DPYD: variants seen among roughly 807,000 people sequenced by gnomAD.
The protein encoded by DPYD is dihydropyrimidine dehydrogenase [NADP(+)].
Under a neutral mutation model 116.2 loss-of-function variants are expected in DPYD, and 109 were observed. That is an observed-to-expected ratio of 0.94 (90% confidence interval 0.80 to 1.10). DPYD has a LOEUF of 1.10. Ranked by LOEUF, DPYD falls within the 50% of genes least tolerant of loss-of-function variation. The probability of loss-of-function intolerance (pLI) is 0.00; values close to 1 mark genes in which losing one functional copy is unlikely to be tolerated. For missense variants in DPYD, 1,302 were observed against 1,254.5 expected (o/e 1.04, Z -0.57); for synonymous variants, 440 against 432.0 (o/e 1.02, Z -0.23).
chr1:97,090,698 G>C (rs1649839917), intron 21 of DPYD, among the ~76,000 whole-genome samples: 1 of 152,132 alleles, frequency 6.6e-6, no homozygotes, highest in African/African-American at 2.4e-5. Flanking sequence ...TCCCTTGCTA[G>C]ACTATGAGCT....
intron 16 of DPYD, among the ~76,000 whole-genome samples, chr1:97,359,347 A>T (rs1440787741): frequency 1.3e-5 from 2 of 152,242 alleles, no homozygotes; most frequent in East Asian, 3.9e-4. Context: ...TGTACCTGAA[A>T]GTGATGGGGA....
intron 5 of DPYD, among the ~76,000 whole-genome samples, chr1:97,699,984 G>A (rs947856113): frequency 5.9e-5 from 9 of 152,008 alleles, no homozygotes; most frequent in Admixed American, 1.3e-4. Flanking sequence ...GATGGCACAC[G>A]GTAGACATTT....
intron 13 of DPYD, among the ~76,000 whole-genome samples, chr1:97,462,237 A>G (rs1024933716): frequency 2.0e-5 from 3 of 152,250 alleles, no homozygotes; most frequent in Admixed American, 6.5e-5. Context: ...AATTTGATTC[A>G]CGGAGGAGGG....
intron 6 of DPYD, 108 bp downstream of exon 6, chr1:97,699,243 A>T: frequency 8.7e-7 from 1 of 1,145,800 alleles, no homozygotes; most frequent in Non-Finnish European, 1.3e-6. Context: ...CATTTAAAAT[A>T]CCATCTGTGA....
chr1:97,822,230 C>CTATA (rs1342049130), intron 3 of DPYD, among the ~76,000 whole-genome samples: 15 of 148,520 alleles, frequency 1.0e-4, no homozygotes, highest in African/African-American at 3.7e-4. Flanking sequence ...GTTTCTCTCT[C>CTATA]TCTCTCTATA....
intron 14 of DPYD, among the ~76,000 whole-genome samples, chr1:97,384,331 T>C (rs909360691): frequency 2.0e-5 from 3 of 151,798 alleles, no homozygotes; most frequent in African/African-American, 7.3e-5. Flanking sequence ...TTGGAGAGAG[T>C]TCTAAAAACC....
chr1:97,203,212 C>T (rs1659332807), intron 19 of DPYD, among the ~76,000 whole-genome samples: 1 of 152,078 alleles, frequency 6.6e-6, no homozygotes, highest in African/African-American at 2.4e-5. Context: ...TAAGGGTTTG[C>T]ATGTAGCATT....
chr1:97,220,747 T>C (rs1660721943), intron 19 of DPYD, among the ~76,000 whole-genome samples: 1 of 152,218 alleles, frequency 6.6e-6, no homozygotes, highest in African/African-American at 2.4e-5. Context: ...TTCCACAAAA[T>C]CTTCTCTTTG....
chr1:97,219,930 T>C (rs2039447), intron 19 of DPYD, among the ~76,000 whole-genome samples: 60,718 of 152,010 alleles, frequency 0.4, 12,866 homozygotes, highest in East Asian at 0.54. Context: ...GTTCAGTATG[T>C]CTTGCCATGC....
intron 20 of DPYD, among the ~76,000 whole-genome samples, chr1:97,187,965 A>G (rs901822994): frequency 5.3e-5 from 8 of 152,112 alleles, no homozygotes; most frequent in Middle Eastern, 3.4e-3. Flanking sequence ...TGCTGTTTTT[A>G]TTACCACAGC....
chr1:97,856,434 T>G (rs1163887420), intron 2 of DPYD: 1 of 152,208 alleles, frequency 6.6e-6, no homozygotes, highest in Non-Finnish European at 1.5e-5. Flanking sequence ...ATTGGCCTAT[T>G]ATCAAAGCCA....
At chr1:97,578,180 G>A (rs143754091) in intron 10 of DPYD, among the ~76,000 whole-genome samples, 99 of 151,978 alleles carry the variant, frequency 6.5e-4, no homozygotes, top group African/African-American at 2.3e-3. Context: ...AAATAATAAT[G>A]GTAATAAGTA....
intron 11 of DPYD, among the ~76,000 whole-genome samples, chr1:97,556,809 T>C (rs1651757825): frequency 6.6e-6 from 1 of 151,530 alleles, no homozygotes; most frequent in Admixed American, 6.6e-5. Flanking sequence ...AATGTCGCAA[T>C]AAACATACAT....
At chr1:97,701,901 T>C (rs1319796842) in intron 5 of DPYD, among the ~76,000 whole-genome samples, 1 of 151,870 alleles carries the variant, frequency 6.6e-6, no homozygotes, top group Admixed American at 6.6e-5. Flanking sequence ...CACCTTTTAA[T>C]ATTCAGTGTT....
chr1:97,627,611 C>A (rs2100785455), intron 8 of DPYD, among the ~76,000 whole-genome samples: 1 of 152,046 alleles, frequency 6.6e-6, no homozygotes, highest in African/African-American at 2.4e-5. Flanking sequence ...TTTATCTTAC[C>A]CACTTATGCT....
At chr1:97,657,868 G>A (rs563136669) in intron 8 of DPYD, among the ~76,000 whole-genome samples, 3 of 152,230 alleles carry the variant, frequency 2.0e-5, no homozygotes, top group Non-Finnish European at 4.4e-5. Flanking sequence ...TAGAAACAAT[G>A]GAACCACAGA....
chr1:97,674,888 C>A (rs1660058092), intron 8 of DPYD, among the ~76,000 whole-genome samples: 1 of 152,144 alleles, frequency 6.6e-6, no homozygotes, highest in African/African-American at 2.4e-5. Context: ...TCACTAATAG[C>A]TACTTATTGA....
intron 16 of DPYD, among the ~76,000 whole-genome samples, chr1:97,307,619 A>T (rs1667250035): frequency 6.6e-6 from 1 of 151,882 alleles, no homozygotes; most frequent in South Asian, 2.1e-4. Context: ...GGCTTGGCTT[A>T]TTCTCTTTTT....
intron 20 of DPYD, among the ~76,000 whole-genome samples, chr1:97,189,364 T>A (rs1483655135): frequency 6.6e-6 from 1 of 152,176 alleles, no homozygotes; most frequent in South Asian, 2.1e-4. Context: ...TGCATGCAGA[T>A]CCCAAGTGAT....
Sources: allele counts gnomAD v4.1 joint callset (sites outside exome capture counted in the v4.1 genomes callset), GRCh38; gene constraint gnomAD v4.1.1; transcripts MANE v1.5; gene names NCBI Gene and HGNC (gene_info 2026-07-23, HGNC 2026-07-21).